The following ADAMTS9 variants were observed in gnomAD, a reference collection of about 807,000 sequenced individuals.
ADAMTS9 encodes the protein ADAM metallopeptidase with thrombospondin type 1 motif 9.
In ADAMTS9, 107 loss-of-function variants were observed where a neutral mutation model predicts 257.1. The ratio of observed to expected loss-of-function variants is 0.42; its 90% CI spans 0.36 to 0.49. The LOEUF (loss-of-function observed/expected upper bound fraction) is 0.49, where lower values mean the gene tolerates loss of function less well. Among genes scored for constraint, ADAMTS9 ranks in the 20% least tolerant of loss-of-function variants. The pLI, the probability that ADAMTS9 is intolerant of heterozygous loss-of-function variation, is 0.03. For missense variants in ADAMTS9, 2,353 were observed against 2,469.1 expected, an observed-to-expected ratio of 0.95 and a Z score of 1.00; for synonymous variants, 982 against 880.9, an observed-to-expected ratio of 1.11 and a Z score of -2.03.
intron 28 of ADAMTS9, among the ~76,000 whole-genome samples, chr3:64,592,184 A>AT (rs1388186030): frequency 2.6e-5 from 4 of 152,226 alleles, no homozygotes; most frequent in African/African-American, 4.8e-5. Flanking sequence ...GATCACAATT[A>AT]AAAGCCTTGC....
intron 11 of ADAMTS9, among the ~76,000 whole-genome samples, chr3:64,642,889 G>A (rs1254249300): frequency 6.6e-6 from 1 of 152,124 alleles, no homozygotes; most frequent in Non-Finnish European, 1.5e-5. Context: ...TGAAGGCCAG[G>A]GGGTGGGGCA....
intron 28 of ADAMTS9, chr3:64,568,810 G>T: frequency 3.0e-6 from 1 of 335,546 alleles, no homozygotes; most frequent in Non-Finnish European, 5.4e-6. Flanking sequence ...CAAAAATAAA[G>T]CTCATGAACC....
chr3:64,542,661 C>A (rs188926521), intron 32 of ADAMTS9, among the ~76,000 whole-genome samples: 60 of 152,132 alleles, frequency 3.9e-4, no homozygotes, highest in Non-Finnish European at 7.2e-4. Flanking sequence ...CAAGAGAAAG[C>A]AGGAAAGATC....
At chr3:64,560,964 A>G (rs1374426476) in intron 30 of ADAMTS9, among the ~76,000 whole-genome samples, 1 of 152,118 alleles carries the variant, frequency 6.6e-6, no homozygotes, top group African/African-American at 2.4e-5. Flanking sequence ...CCATGGACAC[A>G]ATGTTTTCCT....
intron 28 of ADAMTS9, among the ~76,000 whole-genome samples, chr3:64,591,668 G>T (rs1480787532): frequency 6.6e-6 from 1 of 152,120 alleles, no homozygotes; most frequent in Non-Finnish European, 1.5e-5. Context: ...TATATTAATA[G>T]TGATTTGGGG....
chr3:64,533,367 A>T (rs2083007318), intron 37 of ADAMTS9, 97 bp from the exon 38 acceptor site: 1 of 943,952 alleles, frequency 1.1e-6, no homozygotes, highest in African/African-American at 1.6e-5. Context: ...TTTGGAAAAG[A>T]GAAGGATGTT....
At chr3:64,557,854 G>A (rs1194155361) in intron 30 of ADAMTS9, among the ~76,000 whole-genome samples, 1 of 152,130 alleles carries the variant, frequency 6.6e-6, no homozygotes, top group Non-Finnish European at 1.5e-5. Context: ...GTGGATGTGT[G>A]GATAGAGCAC....
Position 64,559,987 on chromosome 3 carries a change from C to T in ADAMTS9, c.4698+1591G>A, listed in dbSNP as rs181064966. On this transcript the variant is annotated intron_variant, in intron 30 of 39. Coordinates refer to ENST00000498707, the MANE Select transcript of ADAMTS9 (RefSeq NM_182920.2). Reference sequence around the variant, plus strand: ...CAAGAGGTCACACTGAGGGGGAGAGCGAGAGAGATGAGGGAGTCTCCTCTT... The same window carrying T: ...CAAGAGGTCACACTGAGGGGGAGAGTGAGAGAGATGAGGGAGTCTCCTCTT... 1.2e-3 allele frequency among the ~76,000 whole-genome samples: 186 copies of T among 152,238 alleles called. 1 individual carries two copies. Among genetic ancestry groups the T allele is most frequent in the African/African-American group, 4.2e-3 (176 of 41,548 alleles).
intron 19 of ADAMTS9, among the ~76,000 whole-genome samples, chr3:64,619,127 C>T (rs978349127): frequency 3.9e-5 from 6 of 152,128 alleles, no homozygotes; most frequent in Non-Finnish European, 5.9e-5. Context: ...CTATTATTCG[C>T]AATGCTATGT....
At chr3:64,636,403 C>T (rs759071842) in intron 12 of ADAMTS9, among the ~76,000 whole-genome samples, 19 of 152,166 alleles carry the variant, frequency 1.2e-4, no homozygotes, top group African/African-American at 1.4e-4. Flanking sequence ...CAATATTAGG[C>T]GAGTTGCTTA....
chr3:64,643,327 G>C (rs1700704101), intron 11 of ADAMTS9, among the ~76,000 whole-genome samples: 1 of 150,816 alleles, frequency 6.6e-6, no homozygotes, highest in African/African-American at 2.4e-5. Flanking sequence ...TATAATTTAA[G>C]AATTTCTAAA....
At chr3:64,615,196 G>A in intron 21 of ADAMTS9, 125 bp downstream of exon 21, 2 of 1,153,536 alleles carry the variant, frequency 1.7e-6, no homozygotes, top group Non-Finnish European at 2.5e-6. Flanking sequence ...GTTTTCTCAA[G>A]GGAGACAAGG....
chr3:64,606,394 A>G (rs2084556599), intron 23 of ADAMTS9, among the ~76,000 whole-genome samples: 1 of 152,190 alleles, frequency 6.6e-6, no homozygotes, highest in Non-Finnish European at 1.5e-5. Context: ...AGAGCTGGGG[A>G]GAGATAGGTG....
Position 64,633,895 on chromosome 3 carries a change from T to A in ADAMTS9, c.1857-16A>T. On this transcript the variant is annotated splice_polypyrimidine_tract_variant and intron_variant, in intron 12 of 39. Transcript: ENST00000498707. The stretch of plus-strand genomic sequence containing the variant: ...ATTTTTTGGTCTGAAAAAGAAAAAA[T>A]GTGAAGAGCACACACACTGTATTAT... 1 of 1,602,530 alleles carries A rather than the reference T, an allele frequency of 6.2e-7. No individual in the cohort carries two copies.
rs73118163 is a variant in ADAMTS9, at chr3:64,528,961, G to A, written c.5718+4205C>T. ...CTGGCAGTCAGATTTCAGAGTCCAC[G>A]TGCTTCACCTCTGGGCTCTGCAGCC... is the stretch of plus-strand genomic sequence containing the variant. On this transcript the variant is annotated intron_variant, in intron 38 of 39. Coordinates refer to ENST00000498707, the MANE Select transcript of ADAMTS9 (RefSeq NM_182920.2). Among the ~76,000 whole-genome samples the A allele has an allele frequency of 9.7e-3, 1,481 of 152,050 alleles. 13 individuals are homozygous for A. The highest frequency in any genetic ancestry group is 0.039 in the South Asian group (187 of 4,826).
chr3:64,605,599 G>T (rs2084543163), intron 23 of ADAMTS9, among the ~76,000 whole-genome samples: 1 of 152,170 alleles, frequency 6.6e-6, no homozygotes, highest in Non-Finnish European at 1.5e-5. Flanking sequence ...GGGTTCAAAT[G>T]CCATCTTCAG....
At chr3:64,681,549 C>G (rs1701757168) in intron 2 of ADAMTS9, among the ~76,000 whole-genome samples, 186 bp from the exon 3 acceptor site, 1 of 152,128 alleles carries the variant, frequency 6.6e-6, no homozygotes, top group African/African-American at 2.4e-5. Flanking sequence ...TCTGTCATAT[C>G]AGTATATTTT....
chr3:64,539,260 T>A lies in ADAMTS9; in HGVS notation c.5556A>T (p.Gly1852=), dbSNP rs369176747. Residue 1852 remains glycine, a synonymous_variant, in exon 37 of 40, where the codon GGA becomes GGT. Transcript: ENST00000498707. ...CGGCTGTGGCAAAAGGGACGGGATG[T>A]CCTTCGCTTGTCCTTGCAAACTGTA... The part of the protein sequence containing the change: ...TDLQFARTSE[G]HPVPFATAGD... The A allele has an allele frequency of 4.3e-6, 7 of 1,614,082 alleles. No individual in the cohort carries two copies. Among genetic ancestry groups the A allele is most frequent in the Non-Finnish European group, 5.9e-6 (7 of 1,179,970 alleles).
chr3:64,654,664 T>C (rs1196386816), intron 6 of ADAMTS9, 52 bp from the exon 7 acceptor site: 15 of 1,588,844 alleles, frequency 9.4e-6, no homozygotes, highest in Non-Finnish European at 6.0e-6. Flanking sequence ...TAAATGTCAA[T>C]ACAAGTAAAT....
Sources: gnomAD v4.1 joint callset for allele counts (sites outside exome capture counted in the v4.1 genomes callset) on GRCh38, gnomAD v4.1.1 for gene constraint, MANE v1.5 for transcripts, NCBI Gene and HGNC (gene_info 2026-07-23, HGNC 2026-07-21) for gene names.